Variants in SMIM32 observed in about 807,000 individuals in gnomAD.
SMIM32 encodes small integral membrane protein 32.
Under a neutral mutation model 1.6 loss-of-function variants are expected in SMIM32, and 1 was observed. The ratio of observed to expected loss-of-function variants is 0.64; its 90% CI spans 0.23 to 3.02. The LOEUF (loss-of-function observed/expected upper bound fraction) is 3.02, where lower values mean the gene tolerates loss of function less well. Ranked by LOEUF, SMIM32 falls within the 30% of genes most tolerant of loss-of-function variation. The pLI is 0.21. For missense variants in SMIM32, 99 were observed against 60.5 expected (o/e 1.64, Z -2.11); for synonymous variants, 53 against 31.3 (o/e 1.69, Z -2.31).
chr5:136,192,351 G>C lies in SMIM32; in HGVS notation c.174C>G (p.Leu58=), dbSNP rs1214764278. Residue 58 remains leucine, a synonymous_variant, in exon 1 of 1, where the codon CTC becomes CTG. Transcript: ENST00000607574. ...TKPDLPTYLL[L]FFLLLLSVAL... is the part of the protein sequence containing the mutation. ...CCACCGAGAGCAGCAGCAGGAAGAA[G>C]AGCAGCAGGTAGGTGGGCAGGTCGG... 5.7e-6 allele frequency: 4 copies of C among 702,460 alleles called. No homozygotes were observed. In the South Asian group the frequency reaches 5.9e-5, roughly 10 times the overall value. 43.5% of individuals were successfully genotyped at this position (702,460 alleles called of 1,614,324 possible). A position where few individuals can be genotyped will look rare whatever the true frequency, so the allele number is the denominator to read the frequency against.
Position 136,192,771 on chromosome 5 carries a change from C to T in SMIM32, c.-247G>A, listed in dbSNP as rs1311005267. 2 of 491,484 alleles carry T rather than the reference C, an allele frequency of 4.1e-6. No homozygotes were observed. Among genetic ancestry groups the T allele is most frequent in the Non-Finnish European group, 7.1e-6 (2 of 282,070 alleles). The allele number at this position is 491,484 out of a possible 1,614,324, so 30.4% of individuals were successfully genotyped here. A position where few individuals can be genotyped will look rare whatever the true frequency, so the allele number is the denominator to read the frequency against. On this transcript the variant is annotated 5_prime_UTR_variant, in exon 1 of 1. Coordinates refer to ENST00000607574, the MANE Select transcript of SMIM32 (RefSeq NM_001350994.2). ...TCGGAGCTGGACAGTTCTGTGCCCG[C>T]GCCCCTCGGGCTCACTGTTTCTCTC...
At position 136,192,326 on chromosome 5, in the gene SMIM32, C is replaced by T. The variant is rs1580817108; in HGVS notation, c.199G>A (p.Ala67Thr). 4 of 696,994 alleles carry T rather than the reference C, an allele frequency of 5.7e-6. No individual in the cohort carries two copies. Among genetic ancestry groups the T allele is most frequent in the East Asian group, 2.7e-5 (1 of 36,966 alleles). The allele number at this position is 696,994 out of a possible 1,614,324, so 43.2% of individuals were successfully genotyped here. ...LLFFLLLLSV[A>T]LVVLFIGCQL... is the part of the protein sequence containing the mutation. ...CAACCGATGAAGAGGACGACGAGCG[C>T]CACCGAGAGCAGCAGCAGGAAGAAG... The change falls in exon 1 of 1, where the codon GCG (alanine) becomes ACG (threonine). Residue 67 changes from alanine (A) to threonine (T), a missense_variant. By Grantham distance (58) the Ala-to-Thr change is moderately conservative. Coordinates refer to ENST00000607574, the MANE Select transcript of SMIM32 (RefSeq NM_001350994.2).
In SMIM32 at chr5:136,192,099, C is replaced by T. The variant is rs1754829445; in HGVS notation, c.*114G>A. On this transcript the variant is annotated 3_prime_UTR_variant, in exon 1 of 1. Transcript: ENST00000607574. ...CAGGAAGGGTCTTTGGGTCAGGGCACCGTGTTCCCAGGGGCCAGCGATCCC... is the reference window on the plus strand; with the variant it reads ...CAGGAAGGGTCTTTGGGTCAGGGCATCGTGTTCCCAGGGGCCAGCGATCCC... 2 of 599,534 alleles carry T rather than the reference C, an allele frequency of 3.3e-6. No homozygotes were observed. Among genetic ancestry groups the T allele is most frequent in the East Asian group, 2.8e-5 (1 of 35,658 alleles). The allele number at this position is 599,534 out of a possible 1,614,324, so 37.1% of individuals were successfully genotyped here. A position where few individuals can be genotyped will look rare whatever the true frequency, so the allele number is the denominator to read the frequency against.
In SMIM32 at chr5:136,192,017, C is replaced by T. The variant is rs2287961; in HGVS notation, c.*196G>A. ...TACCTACAGGTACTGGGATCGAGAC[C>T]CTACACAGGCTCCCGACGCCTCGGT... On this transcript the variant is annotated 3_prime_UTR_variant, in exon 1 of 1. Coordinates refer to ENST00000607574, the MANE Select transcript of SMIM32 (RefSeq NM_001350994.2). 0.3 allele frequency: 167,405 copies of T among 552,912 alleles called. 27,600 individuals carry two copies. The highest frequency in any genetic ancestry group is 0.52 in the African/African-American group (26,121 of 50,094). 34.3% of individuals were successfully genotyped at this position (552,912 alleles called of 1,614,324 possible).
At position 136,191,738 on chromosome 5, in the gene SMIM32, G is replaced by A. The variant is rs1344279722; in HGVS notation, c.*475C>T. The A allele has an allele frequency of 1.3e-5, 2 of 155,364 alleles. No individual in the cohort carries two copies. Among genetic ancestry groups the A allele is most frequent in the South Asian group, 2.1e-4 (1 of 4,860 alleles). The allele number at this position is 155,364 out of a possible 1,614,324, so 9.6% of individuals were successfully genotyped here. A position where few individuals can be genotyped will look rare whatever the true frequency, so the allele number is the denominator to read the frequency against. ...TCCTCGGTGTCAAGGAGCAAGAGAGGCCGTAGCAGCTGTGGGAAACAGCCA... is the reference window on the plus strand; with the variant it reads ...TCCTCGGTGTCAAGGAGCAAGAGAGACCGTAGCAGCTGTGGGAAACAGCCA... On this transcript the variant is annotated 3_prime_UTR_variant, in exon 1 of 1. Coordinates refer to ENST00000607574, the MANE Select transcript of SMIM32 (RefSeq NM_001350994.2).
rs894645976 is a variant in SMIM32 at position 136,192,547 on chromosome 5, C to G, written c.-23G>C. ...CATGGCCCGCGGGTCCCGCCGACCCCAGCCGGACCGCTTCACTTGGCCTGG... is the reference window on the plus strand; with the variant it reads ...CATGGCCCGCGGGTCCCGCCGACCCGAGCCGGACCGCTTCACTTGGCCTGG... On this transcript the variant is annotated 5_prime_UTR_variant, in exon 1 of 1. Transcript: ENST00000607574. 25 of 656,350 alleles carry G rather than the reference C, an allele frequency of 3.8e-5. No individual in the cohort carries two copies. The highest frequency in any genetic ancestry group is 6.3e-5 in the Non-Finnish European group (23 of 362,524). The allele number at this position is 656,350 out of a possible 1,614,324, so 40.7% of individuals were successfully genotyped here.
In SMIM32 at chr5:136,192,031, C is replaced by T. The variant is rs1754828095; in HGVS notation, c.*182G>A. 1.8e-6 allele frequency: 1 copy of T among 565,914 alleles called. No homozygotes were observed. Among genetic ancestry groups the T allele is most frequent in the Non-Finnish European group, 3.1e-6 (1 of 320,786 alleles). The allele number at this position is 565,914 out of a possible 1,614,324, so 35.1% of individuals were successfully genotyped here. Reference sequence around the variant, plus strand: ...GGGATCGAGACCCTACACAGGCTCCCGACGCCTCGGTCTCCCTTTCCTCTC... The same window carrying T: ...GGGATCGAGACCCTACACAGGCTCCTGACGCCTCGGTCTCCCTTTCCTCTC... On this transcript the variant is annotated 3_prime_UTR_variant, in exon 1 of 1. Coordinates refer to ENST00000607574, the MANE Select transcript of SMIM32 (RefSeq NM_001350994.2).
rs1485571741 is a variant in SMIM32 at position 136,191,785 on chromosome 5, G to C, written c.*428C>G. Reference sequence around the variant, plus strand: ...GCCACAGGGCCTGCGAGTCCAGACGGGTAGCTCCAGGCTAGTTGCACGCTT... The same window carrying C: ...GCCACAGGGCCTGCGAGTCCAGACGCGTAGCTCCAGGCTAGTTGCACGCTT... On this transcript the variant is annotated 3_prime_UTR_variant, in exon 1 of 1. Coordinates refer to ENST00000607574, the MANE Select transcript of SMIM32 (RefSeq NM_001350994.2). 6.1e-6 allele frequency: 1 copy of C among 164,874 alleles called. No individual in the cohort carries two copies. Among genetic ancestry groups the C allele is most frequent in the Non-Finnish European group, 1.3e-5 (1 of 77,072 alleles). 10.2% of individuals were successfully genotyped at this position (164,874 alleles called of 1,614,324 possible). A position where few individuals can be genotyped will look rare whatever the true frequency, so the allele number is the denominator to read the frequency against.
Position 136,192,018 on chromosome 5 carries a change from C to T in SMIM32, c.*195G>A, listed in dbSNP as rs1754827698. On this transcript the variant is annotated 3_prime_UTR_variant, in exon 1 of 1. Transcript: ENST00000607574. ...ACCTACAGGTACTGGGATCGAGACC[C>T]TACACAGGCTCCCGACGCCTCGGTC... 1.8e-6 allele frequency: 1 copy of T among 562,284 alleles called. No homozygotes were observed. Among genetic ancestry groups the T allele is most frequent in the Non-Finnish European group, 3.1e-6 (1 of 319,056 alleles). 34.8% of individuals were successfully genotyped at this position (562,284 alleles called of 1,614,324 possible).
At position 136,192,011 on chromosome 5, in the gene SMIM32, CG is replaced by C; in HGVS notation, c.*201del. On this transcript the variant is annotated 3_prime_UTR_variant, in exon 1 of 1. Coordinates refer to ENST00000607574, the MANE Select transcript of SMIM32 (RefSeq NM_001350994.2). The stretch of plus-strand genomic sequence containing the variant: ...TCACGGTACCTACAGGTACTGGGAT[CG>C]AGACCCTACACAGGCTCCCGACGCC... The C allele has an allele frequency of 1.8e-6, 1 of 549,774 alleles. No homozygotes were observed. Among genetic ancestry groups the C allele is most frequent in the Admixed American group, 3.3e-5 (1 of 30,660 alleles). 34.1% of individuals were successfully genotyped at this position (549,774 alleles called of 1,614,324 possible). A position where few individuals can be genotyped will look rare whatever the true frequency, so the allele number is the denominator to read the frequency against.
At position 136,192,295 on chromosome 5, in the gene SMIM32, A is replaced by T. The variant is rs1754835159; in HGVS notation, c.230T>A (p.Leu77Gln). 2 of 701,974 alleles carry T rather than the reference A, an allele frequency of 2.8e-6. No individual in the cohort carries two copies. Among genetic ancestry groups the T allele is most frequent in the Non-Finnish European group, 5.2e-6 (2 of 384,614 alleles). The allele number at this position is 701,974 out of a possible 1,614,324, so 43.5% of individuals were successfully genotyped here. ...CAGCGCGGCGAAGGCCGAATGGCGCAGCTGGCAACCGATGAAGAGGACGAC... is the reference window on the plus strand; with the variant it reads ...CAGCGCGGCGAAGGCCGAATGGCGCTGCTGGCAACCGATGAAGAGGACGAC... ...ALVVLFIGCQLRHSAFAALPH... is the reference protein window; with the variant it reads ...ALVVLFIGCQQRHSAFAALPH... The change falls in exon 1 of 1, where the codon CTG (leucine) becomes CAG (glutamine). Residue 77 changes from leucine (L) to glutamine (Q), a missense_variant. Leu to Gln is a moderately radical substitution (Grantham distance 113). Coordinates refer to ENST00000607574, the MANE Select transcript of SMIM32 (RefSeq NM_001350994.2).
At position 136,192,217 on chromosome 5, in the gene SMIM32, A is replaced by C; in HGVS notation, c.308T>G (p.Val103Gly). 1.4e-6 allele frequency: 1 copy of C among 694,132 alleles called. No homozygotes were observed. The highest frequency in any genetic ancestry group is 1.8e-5 in the African/African-American group (1 of 56,846). 43.0% of individuals were successfully genotyped at this position (694,132 alleles called of 1,614,324 possible). Residue 103 changes from valine (V) to glycine (G), a missense_variant, in exon 1 of 1, where the codon GTG becomes GGG. Transcript: ENST00000607574. ...CGGCCGTGGCTCAGTCCCAAGCTAC[A>C]CCGGCCGCGTCTTCCAGGGCGCGCG... ...DARAPWKTRP[V>G]
At position 136,192,068 on chromosome 5, in the gene SMIM32, C is replaced by G; in HGVS notation, c.*145G>C. 1 of 579,252 alleles carries G rather than the reference C, an allele frequency of 1.7e-6. No homozygotes were observed. The highest frequency in any genetic ancestry group is 3.1e-6 in the Non-Finnish European group (1 of 327,136). 35.9% of individuals were successfully genotyped at this position (579,252 alleles called of 1,614,324 possible). The stretch of plus-strand genomic sequence containing the variant: ...CTCCCTTTCCTCTCGGGTTGCCACT[C>G]TAGTTCAGGAAGGGTCTTTGGGTCA... On this transcript the variant is annotated 3_prime_UTR_variant, in exon 1 of 1. Transcript: ENST00000607574.
rs540885940 is a variant in SMIM32 at position 136,192,633 on chromosome 5, T to A, written c.-109A>T. 2 of 578,962 alleles carry A rather than the reference T, an allele frequency of 3.5e-6. No homozygotes were observed. The highest frequency in any genetic ancestry group is 3.0e-5 in the East Asian group (1 of 33,378). 35.9% of individuals were successfully genotyped at this position (578,962 alleles called of 1,614,324 possible). Reference sequence around the variant, plus strand: ...CCCCTCCCGCCCTGCCGCGCCCAACTGACCGAGAGTCGGTGCCTTGGGGCC... The same window carrying A: ...CCCCTCCCGCCCTGCCGCGCCCAACAGACCGAGAGTCGGTGCCTTGGGGCC... On this transcript the variant is annotated 5_prime_UTR_variant, in exon 1 of 1. Transcript: ENST00000607574.
At position 136,192,060 on chromosome 5, in the gene SMIM32, T is replaced by C; in HGVS notation, c.*153A>G. 1 of 562,410 alleles carries C rather than the reference T, an allele frequency of 1.8e-6. No homozygotes were observed. The highest frequency in any genetic ancestry group is 2.3e-5 in the South Asian group (1 of 43,540). The allele number at this position is 562,410 out of a possible 1,614,324, so 34.8% of individuals were successfully genotyped here. The stretch of plus-strand genomic sequence containing the variant: ...GCCTCGGTCTCCCTTTCCTCTCGGG[T>C]TGCCACTCTAGTTCAGGAAGGGTCT... On this transcript the variant is annotated 3_prime_UTR_variant, in exon 1 of 1. Transcript: ENST00000607574.
At position 136,192,181 on chromosome 5, in the gene SMIM32, G is replaced by C. The variant is rs774837710; in HGVS notation, c.*32C>G. The C allele has an allele frequency of 2.3e-5, 15 of 646,878 alleles. No homozygotes were observed. The highest frequency in any genetic ancestry group is 4.1e-5 in the Non-Finnish European group (15 of 362,240). The allele number at this position is 646,878 out of a possible 1,614,324, so 40.1% of individuals were successfully genotyped here. On this transcript the variant is annotated 3_prime_UTR_variant, in exon 1 of 1. Transcript: ENST00000607574. Reference sequence around the variant, plus strand: ...TGGCTGCTCTTGGCTAGGTCGGGACGGGGCGCCCGGCGGCCGTGGCTCAGT... The same window carrying C: ...TGGCTGCTCTTGGCTAGGTCGGGACCGGGCGCCCGGCGGCCGTGGCTCAGT...
rs1001930542 is a variant in SMIM32, at chr5:136,192,127, G to A, written c.*86C>T. On this transcript the variant is annotated 3_prime_UTR_variant, in exon 1 of 1. Coordinates refer to ENST00000607574, the MANE Select transcript of SMIM32 (RefSeq NM_001350994.2). ...TGTTCCCAGGGGCCAGCGATCCCCG[G>A]TGTCGTGCCCTCCCTACCAGGCTCA... is the stretch of plus-strand genomic sequence containing the variant. 3 of 606,866 alleles carry A rather than the reference G, an allele frequency of 4.9e-6. No individual in the cohort carries two copies. Among genetic ancestry groups the A allele is most frequent in the Admixed American group, 5.8e-5 (2 of 34,736 alleles). The allele number at this position is 606,866 out of a possible 1,614,324, so 37.6% of individuals were successfully genotyped here.
chr5:136,192,094 G>A lies in SMIM32; in HGVS notation c.*119C>T, dbSNP rs1260912042. On this transcript the variant is annotated 3_prime_UTR_variant, in exon 1 of 1. Transcript: ENST00000607574. The stretch of plus-strand genomic sequence containing the variant: ...TAGTTCAGGAAGGGTCTTTGGGTCA[G>A]GGCACCGTGTTCCCAGGGGCCAGCG... 1.7e-6 allele frequency: 1 copy of A among 599,116 alleles called. No individual in the cohort carries two copies. Among genetic ancestry groups the A allele is most frequent in the East Asian group, 2.8e-5 (1 of 35,654 alleles). The allele number at this position is 599,116 out of a possible 1,614,324, so 37.1% of individuals were successfully genotyped here. A position where few individuals can be genotyped will look rare whatever the true frequency, so the allele number is the denominator to read the frequency against.
rs1433570286 is a variant in SMIM32, at chr5:136,192,008, G to C, written c.*205C>G. Reference sequence around the variant, plus strand: ...GAATCACGGTACCTACAGGTACTGGGATCGAGACCCTACACAGGCTCCCGA... The same window carrying C: ...GAATCACGGTACCTACAGGTACTGGCATCGAGACCCTACACAGGCTCCCGA... On this transcript the variant is annotated 3_prime_UTR_variant, in exon 1 of 1. Coordinates refer to ENST00000607574, the MANE Select transcript of SMIM32 (RefSeq NM_001350994.2). 1 of 548,444 alleles carries C rather than the reference G, an allele frequency of 1.8e-6. No homozygotes were observed. Among genetic ancestry groups the C allele is most frequent in the African/African-American group, 2.0e-5 (1 of 49,874 alleles). 34.0% of individuals were successfully genotyped at this position (548,444 alleles called of 1,614,324 possible).
Sources: allele counts gnomAD v4.1 joint callset, GRCh38; gene constraint gnomAD v4.1.1; transcripts MANE v1.5; gene names NCBI Gene and HGNC (gene_info 2026-07-23, HGNC 2026-07-21).